Variants in SRBD1 observed in about 807,000 individuals in gnomAD.
SRBD1 encodes S1 RNA binding domain 1.
In SRBD1, 88 loss-of-function variants were observed where a neutral mutation model predicts 115.3. That is an observed-to-expected ratio of 0.76 (90% CI 0.64 to 0.91). The LOEUF (loss-of-function observed/expected upper bound fraction) is 0.91, where lower values mean the gene tolerates loss of function less well. Ranked by LOEUF, SRBD1 falls within the 40% of genes least tolerant of loss-of-function variation. The pLI is 0.00. For synonymous variants in SRBD1, 509 were observed against 407.7 expected, an observed-to-expected ratio of 1.25 and a Z score of -2.99; for missense variants, 1,385 against 1,177.4, an observed-to-expected ratio of 1.18 and a Z score of -2.58.
chr2:45,587,136 AT>A (rs1038596780), intron 4 of SRBD1, among the ~76,000 whole-genome samples: 3 of 131,034 alleles, frequency 2.3e-5, no homozygotes, highest in Middle Eastern at 3.5e-3. Flanking sequence ...AATATTTAAA[AT>A]TTTTTAAATA....
chr2:45,573,474 T>C (rs1673083893), intron 8 of SRBD1, 132 bp from the exon 9 acceptor site: 1 of 1,029,900 alleles, frequency 9.7e-7, no homozygotes, highest in East Asian at 2.8e-5. Flanking sequence ...TGCCCAGCTA[T>C]GAAATTGATA....
intron 16 of SRBD1, among the ~76,000 whole-genome samples, chr2:45,443,988 C>T (rs945172231): frequency 1.3e-5 from 2 of 152,004 alleles, no homozygotes; most frequent in African/African-American, 4.8e-5. Context: ...TAATCTGGTG[C>T]AGCTGTTTTT....
At chr2:45,556,258 A>G (rs977802588) in intron 10 of SRBD1, among the ~76,000 whole-genome samples, 3 of 152,086 alleles carry the variant, frequency 2.0e-5, no homozygotes, top group Non-Finnish European at 2.9e-5. Context: ...TACTCCATTG[A>G]AAAAAGGCAT....
In SRBD1 at chr2:45,591,401, G is replaced by A. The variant is rs992500950; in HGVS notation, c.649-5627C>T. Among the ~76,000 whole-genome samples the A allele has an allele frequency of 7.2e-5, 11 of 152,242 alleles. No individual in the cohort carries two copies. In the South Asian group the frequency reaches 1.5e-3, roughly 20 times the overall value. Reference sequence around the variant, plus strand: ...AATTATCTTAAAAACTCCAATTCCCGAGTTTTCAGGGAGACTGATTTGAGT... The same window carrying A: ...AATTATCTTAAAAACTCCAATTCCCAAGTTTTCAGGGAGACTGATTTGAGT... On this transcript the variant is annotated intron_variant, in intron 4 of 20. Transcript: ENST00000263736.
intron 9 of SRBD1, among the ~76,000 whole-genome samples, chr2:45,567,247 TTTTTC>T (rs1279149491): frequency 2.0e-5 from 3 of 152,186 alleles, no homozygotes; most frequent in African/African-American, 4.8e-5. Context: ...ATAGGGGACT[TTTTTC>T]TTTTCTTATA....
chr2:45,497,752 G>C (rs76636624), intron 14 of SRBD1, among the ~76,000 whole-genome samples: 12,393 of 151,140 alleles, frequency 0.082, 709 homozygotes, highest in African/African-American at 0.15. Flanking sequence ...TTAAGAAACT[G>C]CCAGCCAGGC....
At chr2:45,466,265 G>A (rs1173775536) in intron 16 of SRBD1, among the ~76,000 whole-genome samples, 2 of 152,018 alleles carry the variant, frequency 1.3e-5, no homozygotes, top group Non-Finnish European at 2.9e-5. Flanking sequence ...TCCATCTCTT[G>A]CCGGGCACCT....
At position 45,419,678 on chromosome 2, in the gene SRBD1, G is replaced by A. The variant is rs184095154; in HGVS notation, c.2156+110C>T. The A allele has an allele frequency of 5.0e-5, 42 of 845,888 alleles. No individual in the cohort carries two copies. The East Asian group carries it at 8.9e-4, about 18-fold the overall frequency. 52.4% of individuals were successfully genotyped at this position (845,888 alleles called of 1,614,324 possible). On this transcript the variant is annotated intron_variant, in intron 17 of 20. Transcript: ENST00000263736. ...TAAAGCAATGTATAAACCCATAGAC[G>A]TTCTCTACTTGACAACTTTATACAC... is the stretch of plus-strand genomic sequence containing the variant.
chr2:45,576,045 G>A (rs1360784641), intron 7 of SRBD1, among the ~76,000 whole-genome samples: 4 of 151,934 alleles, frequency 2.6e-5, no homozygotes, highest in African/African-American at 9.7e-5. Flanking sequence ...TTGGAACAAG[G>A]GTGCCTGCCT....
chr2:45,428,235 C>G (rs568151254), intron 16 of SRBD1, among the ~76,000 whole-genome samples: 2 of 152,076 alleles, frequency 1.3e-5, no homozygotes, highest in African/African-American at 2.4e-5. Flanking sequence ...CTGAACAACC[C>G]GCTCCTGAAT....
At chr2:45,520,738 G>C (rs997267782) in intron 14 of SRBD1, among the ~76,000 whole-genome samples, 4 of 152,126 alleles carry the variant, frequency 2.6e-5, no homozygotes, top group African/African-American at 7.2e-5. Context: ...TGGTCGGAGA[G>C]AAGAATCAGC....
chr2:45,481,054 C>T (rs748674808), intron 15 of SRBD1, among the ~76,000 whole-genome samples: 5 of 152,170 alleles, frequency 3.3e-5, no homozygotes, highest in African/African-American at 4.8e-5. Context: ...CGAGACTCTC[C>T]ACCAGCAAAA....
chr2:45,502,654 G>T (rs1357040494), intron 14 of SRBD1, among the ~76,000 whole-genome samples: 1 of 150,942 alleles, frequency 6.6e-6, no homozygotes, highest in Non-Finnish European at 1.5e-5. Flanking sequence ...ACACGGGAAG[G>T]AGAACATCAC....
At chr2:45,517,687 T>C (rs1165452715) in intron 14 of SRBD1, among the ~76,000 whole-genome samples, 3 of 152,202 alleles carry the variant, frequency 2.0e-5, no homozygotes, top group Admixed American at 2.0e-4. Flanking sequence ...TAACTTATGA[T>C]AACAATTTAT....
At chr2:45,575,843 A>G (rs1236738918) in intron 7 of SRBD1, among the ~76,000 whole-genome samples, 3 of 152,158 alleles carry the variant, frequency 2.0e-5, no homozygotes, top group Admixed American at 2.0e-4. Flanking sequence ...AACAGGGATT[A>G]CAGGCACACA....
intron 15 of SRBD1, among the ~76,000 whole-genome samples, chr2:45,485,049 C>T (rs188301759): frequency 3.9e-4 from 60 of 152,290 alleles, no homozygotes; most frequent in African/African-American, 1.4e-3. Flanking sequence ...CACTTGTGTA[C>T]AAGTATTTTG....
chr2:45,480,965 T>C (rs761078759), intron 15 of SRBD1, among the ~76,000 whole-genome samples: 43 of 152,194 alleles, frequency 2.8e-4, no homozygotes, highest in Non-Finnish European at 4.6e-4. Context: ...TACTTCATTG[T>C]TGTCTTATTT....
intron 19 of SRBD1, among the ~76,000 whole-genome samples, chr2:45,412,051 T>G (rs1281666074): frequency 1.3e-5 from 2 of 149,382 alleles, no homozygotes; most frequent in Admixed American, 1.3e-4. Context: ...AGGCAGAGGT[T>G]GCCGAGATCA....
chr2:45,553,613 A>C lies in SRBD1; in HGVS notation c.1517+10T>G. 1.9e-6 allele frequency: 3 copies of C among 1,542,448 alleles called. No individual in the cohort carries two copies. The highest frequency in any genetic ancestry group is 2.6e-6 in the Non-Finnish European group (3 of 1,140,688). On this transcript the variant is annotated intron_variant, in intron 11 of 20. Transcript: ENST00000263736. ...TCAGTACACAAAATTAAACAAGACAAGATATATACCTGAATTCTCTACAGA... is the reference window on the plus strand; with the variant it reads ...TCAGTACACAAAATTAAACAAGACACGATATATACCTGAATTCTCTACAGA...
Sources: gnomAD v4.1 joint callset for allele counts (sites outside exome capture counted in the v4.1 genomes callset) on GRCh38, gnomAD v4.1.1 for gene constraint, MANE v1.5 for transcripts, NCBI Gene and HGNC (gene_info 2026-07-23, HGNC 2026-07-21) for gene names.